IGF2BP3: variants seen among roughly 807,000 people sequenced by gnomAD.
IGF2BP3 encodes insulin-like growth factor 2 mRNA-binding protein 3.
In IGF2BP3, 9 loss-of-function variants were observed where a neutral mutation model predicts 73.8. The ratio of observed to expected loss-of-function variants is 0.12; its 90% CI spans 0.07 to 0.21. The LOEUF (loss-of-function observed/expected upper bound fraction) is 0.21, where lower values mean the gene tolerates loss of function less well. Ranked by LOEUF, IGF2BP3 falls within the 10% of genes least tolerant of loss-of-function variation. The pLI is 1.00. For synonymous variants in IGF2BP3, 258 were observed against 256.7 expected (o/e 1.01, Z -0.05); for missense variants, 542 against 714.0 (o/e 0.76, Z 2.75).
chr7:23,454,924 C>T (rs1226677736), intron 2 of IGF2BP3, among the ~76,000 whole-genome samples: 1 of 152,144 alleles, frequency 6.6e-6, no homozygotes, highest in Admixed American at 6.6e-5. Flanking sequence ...GCTCAGTCAA[C>T]CTTATTATAA....
intron 2 of IGF2BP3, among the ~76,000 whole-genome samples, chr7:23,459,704 G>T (rs756776832): frequency 6.6e-6 from 1 of 151,956 alleles, no homozygotes; most frequent in Admixed American, 6.6e-5. Flanking sequence ...GGTGGTGTGC[G>T]CCTGTAATCT....
chr7:23,437,632 A>G (rs182057572), intron 2 of IGF2BP3, among the ~76,000 whole-genome samples: 7 of 152,356 alleles, frequency 4.6e-5, no homozygotes, highest in Admixed American at 3.9e-4. Flanking sequence ...GCTGTACATG[A>G]AAAGTTACAT....
At chr7:23,447,491 G>T (rs1168752230) in intron 2 of IGF2BP3, among the ~76,000 whole-genome samples, 1 of 151,382 alleles carries the variant, frequency 6.6e-6, no homozygotes, top group South Asian at 2.1e-4. Flanking sequence ...CCAGGCATGG[G>T]GTGTGTGCCT....
intron 11 of IGF2BP3, among the ~76,000 whole-genome samples, chr7:23,318,337 C>A (rs976646739): frequency 6.6e-6 from 1 of 152,136 alleles, no homozygotes; most frequent in Non-Finnish European, 1.5e-5. Context: ...TTCCTCCCAC[C>A]TCAGCCTCCC....
chr7:23,339,306 T>C (rs1784650769), intron 10 of IGF2BP3, among the ~76,000 whole-genome samples: 1 of 152,222 alleles, frequency 6.6e-6, no homozygotes. Context: ...CTGATTTAAG[T>C]CATTCAGACA....
intron 10 of IGF2BP3, among the ~76,000 whole-genome samples, chr7:23,338,954 A>G (rs1410260412): frequency 1.3e-5 from 2 of 152,268 alleles, no homozygotes; most frequent in Non-Finnish European, 2.9e-5. Context: ...CACATGTAGA[A>G]TAAAATATCC....
At chr7:23,428,729 GGA>G (rs201809952) in intron 2 of IGF2BP3, among the ~76,000 whole-genome samples, 2,733 of 143,828 alleles carry the variant, frequency 0.019, 91 homozygotes, top group African/African-American at 0.066. Flanking sequence ...TTTTTTAGGG[GGA>G]AAAAAAAAAA....
At chr7:23,460,201 A>AAAAC (rs34563888) in intron 2 of IGF2BP3, among the ~76,000 whole-genome samples, 7 of 147,034 alleles carry the variant, frequency 4.8e-5, no homozygotes, top group Non-Finnish European at 9.0e-5. Flanking sequence ...AAAAAACAAA[A>AAAAC]ACGAAAGTGA....
chr7:23,451,092 C>G (rs1354644954), intron 2 of IGF2BP3, among the ~76,000 whole-genome samples: 1 of 152,044 alleles, frequency 6.6e-6, no homozygotes, highest in Non-Finnish European at 1.5e-5. Context: ...GCCAAAGAAA[C>G]TTACAAAAAT....
rs143119736 is a variant in IGF2BP3 at position 23,412,998 on chromosome 7, T to C, written c.285+5778A>G. On this transcript the variant is annotated intron_variant, in intron 3 of 14. Transcript: ENST00000258729. ...ACTCAACCTCCTGAGTAGCTGGGATTACAAGCCTGTGCCACCACACCCGGC... is the reference window on the plus strand; with the variant it reads ...ACTCAACCTCCTGAGTAGCTGGGATCACAAGCCTGTGCCACCACACCCGGC... 4.0e-3 allele frequency among the ~76,000 whole-genome samples: 603 copies of C among 150,936 alleles called. 5 individuals carry two copies. The highest frequency in any genetic ancestry group is 0.013 in the African/African-American group (541 of 41,252).
chr7:23,351,267 A>T, intron 6 of IGF2BP3, 38 bp downstream of exon 6: 1 of 1,606,254 alleles, frequency 6.2e-7, no homozygotes, highest in Non-Finnish European at 8.5e-7. Flanking sequence ...TCCAAGGGGA[A>T]TTCTCATGAA....
intron 3 of IGF2BP3, among the ~76,000 whole-genome samples, chr7:23,367,200 A>G (rs1451085721): frequency 1.3e-5 from 2 of 152,074 alleles, no homozygotes; most frequent in African/African-American, 4.8e-5. Context: ...CTAGTCCCGA[A>G]TTCCTGAGCT....
At chr7:23,457,236 G>T (rs1466742429) in intron 2 of IGF2BP3, among the ~76,000 whole-genome samples, 2 of 152,108 alleles carry the variant, frequency 1.3e-5, no homozygotes, top group Non-Finnish European at 2.9e-5. Flanking sequence ...GCTAAGGCAG[G>T]AGGATCACTT....
rs973245217 is a variant in IGF2BP3 at position 23,331,857 on chromosome 7, CAGAAAAAAAAAAAAA to C, written c.1203+10192_1203+10206del. On this transcript the variant is annotated intron_variant, in intron 10 of 14. Coordinates refer to ENST00000258729, the MANE Select transcript of IGF2BP3 (RefSeq NM_006547.3). ...CCTGGGTGACAGAGCGAAACTGTCT[CAGAAAAAAAAAAAAA>C]AGAAAAAAAAAAGGAGTTTAATTGA... is the stretch of plus-strand genomic sequence containing the variant. Among the ~76,000 whole-genome samples, 8 of 113,178 alleles carry C rather than the reference CAGAAAAAAAAAAAAA, an allele frequency of 7.1e-5. 1 individual carries two copies. Among genetic ancestry groups the C allele is most frequent in the Admixed American group, 3.3e-4 (3 of 9,210 alleles). 74.2% of individuals were successfully genotyped at this position (113,178 alleles called of 152,430 possible).
chr7:23,378,133 A>C (rs1310751720), intron 3 of IGF2BP3, among the ~76,000 whole-genome samples: 1 of 152,204 alleles, frequency 6.6e-6, no homozygotes, highest in African/African-American at 2.4e-5. Context: ...AAAAAAATTA[A>C]AAATGTTTAA....
intron 3 of IGF2BP3, chr7:23,404,949 G>A (rs1000152660): frequency 3.3e-5 from 5 of 151,778 alleles, no homozygotes; most frequent in Non-Finnish European, 5.9e-5. Flanking sequence ...ACTGGAGGTA[G>A]AAAGACAGGA....
At chr7:23,388,779 T>C (rs1328988291) in intron 3 of IGF2BP3, among the ~76,000 whole-genome samples, 3 of 152,128 alleles carry the variant, frequency 2.0e-5, no homozygotes, top group African/African-American at 7.2e-5. Context: ...ATCTTCATAC[T>C]ATCTCTGGGG....
At chr7:23,322,148 A>C (rs894905858) in intron 10 of IGF2BP3, among the ~76,000 whole-genome samples, 3 of 152,312 alleles carry the variant, frequency 2.0e-5, no homozygotes, top group South Asian at 4.1e-4. Context: ...ATTCAAACCA[A>C]AGGCAAAGAA....
intron 2 of IGF2BP3, among the ~76,000 whole-genome samples, chr7:23,440,059 C>G (rs571502264): frequency 6.6e-6 from 1 of 152,038 alleles, no homozygotes; most frequent in African/African-American, 2.4e-5. Context: ...GTCAGGAGAT[C>G]GAGACCATCC....
Sources: allele counts gnomAD v4.1 joint callset (sites outside exome capture counted in the v4.1 genomes callset), GRCh38; gene constraint gnomAD v4.1.1; transcripts MANE v1.5; gene names NCBI Gene and HGNC (gene_info 2026-07-23, HGNC 2026-07-21).